The following PABPN1 variants were observed in gnomAD, a reference collection of about 807,000 sequenced individuals.
The protein encoded by PABPN1 is poly(A) binding protein nuclear 1.
In PABPN1, 5 loss-of-function variants were observed where a neutral mutation model predicts 33.4. The observed-to-expected ratio is 0.15, with a 90% CI of 0.08 to 0.32. The LOEUF (loss-of-function observed/expected upper bound fraction) is 0.32, where lower values mean the gene tolerates loss of function less well. PABPN1 is among the 10% of genes least tolerant of loss of function. The pLI, the probability that PABPN1 is intolerant of heterozygous loss-of-function variation, is 1.00. For missense variants in PABPN1, 312 were observed against 425.8 expected (o/e 0.73, Z 2.35); for synonymous variants, 176 against 170.6 (o/e 1.03, Z -0.25).
intron 4 of PABPN1, 71 bp downstream of exon 4, chr14:23,323,554 G>T: frequency 7.1e-7 from 1 of 1,403,456 alleles, no homozygotes; most frequent in South Asian, 1.2e-5. Context: ...GTTTTATATT[G>T]AGCAGTAAGT....
intron 2 of PABPN1, 74 bp downstream of exon 2, chr14:23,322,369 G>C: frequency 7.4e-7 from 1 of 1,353,162 alleles, no homozygotes; most frequent in East Asian, 2.5e-5. Context: ...GGGGAATGTG[G>C]GGTTAGATAC....
At chr14:23,323,624 A>G in intron 4 of PABPN1, 141 bp downstream of exon 4, 1 of 901,618 alleles carries the variant, frequency 1.1e-6, no homozygotes, top group Non-Finnish European at 1.8e-6. Context: ...ATGTTGATAT[A>G]TCAGGAGTTG....
chr14:23,321,938 C>T, intron 1 of PABPN1, 118 bp downstream of exon 1: 2 of 767,716 alleles, frequency 2.6e-6, no homozygotes, highest in South Asian at 1.9e-5. Context: ...AATAACGTGG[C>T]TGGGGCCGGG....
At position 23,325,412 on chromosome 14, in the gene PABPN1, AGAT is replaced by A; in HGVS notation, c.*127_*129del. 7.9e-7 allele frequency: 1 copy of A among 1,258,630 alleles called. No homozygotes were observed. Among genetic ancestry groups the A allele is most frequent in the Non-Finnish European group, 1.1e-6 (1 of 925,280 alleles). 78.0% of individuals were successfully genotyped at this position (1,258,630 alleles called of 1,614,324 possible). A position where few individuals can be genotyped will look rare whatever the true frequency, so the allele number is the denominator to read the frequency against. ...GGAAAAAAAATATTTTTTAAAAAAA[AGAT>A]ATACTGTGGAAGGGGGGAGAATCCC... On this transcript the variant is annotated 3_prime_UTR_variant, in exon 7 of 7. Transcript: ENST00000216727.
Position 23,323,953 on chromosome 14 carries a change from A to T in PABPN1, c.642-12A>T. 6.2e-7 allele frequency: 1 copy of T among 1,613,996 alleles called. No homozygotes were observed. The highest frequency in any genetic ancestry group is 8.5e-7 in the Non-Finnish European group (1 of 1,179,976). Reference sequence around the variant, plus strand: ...TGTAACCTCAGAGAGATACAATGACAATTCTTTTCAGGTTTGCGTATATAG... The same window carrying T: ...TGTAACCTCAGAGAGATACAATGACTATTCTTTTCAGGTTTGCGTATATAG... On this transcript the variant is annotated splice_polypyrimidine_tract_variant and intron_variant, in intron 4 of 6. Coordinates refer to ENST00000216727, the MANE Select transcript of PABPN1 (RefSeq NM_004643.4).
chr14:23,323,940 G>A, intron 4 of PABPN1, 25 bp from the exon 5 acceptor site: 1 of 1,613,290 alleles, frequency 6.2e-7, no homozygotes, highest in Non-Finnish European at 8.5e-7. Context: ...TAACCTCAGA[G>A]AGATACAATG....
At chr14:23,321,906 CG>C in intron 1 of PABPN1, 86 bp downstream of exon 1, 2 of 238,628 alleles carry the variant, frequency 8.4e-6, no homozygotes, top group Non-Finnish European at 1.4e-5. Flanking sequence ...GGGTGGCAGG[CG>C]GGGGGTGGGG....
chr14:23,325,632 A>T lies in PABPN1; in HGVS notation c.*346A>T. The stretch of plus-strand genomic sequence containing the variant: ...AGGGTAGGTGGGCGTGGGTGGTAGG[A>T]GGTTTTTTTTTTTACCCAGGGCTCT... On this transcript the variant is annotated 3_prime_UTR_variant, in exon 7 of 7. Transcript: ENST00000216727. 1 of 183,954 alleles carries T rather than the reference A, an allele frequency of 5.4e-6. No homozygotes were observed. 11.4% of individuals were successfully genotyped at this position (183,954 alleles called of 1,614,324 possible).
intron 6 of PABPN1, 131 bp downstream of exon 6, chr14:23,324,420 T>A: frequency 8.4e-7 from 1 of 1,196,436 alleles, no homozygotes; most frequent in Non-Finnish European, 1.2e-6. Context: ...CTCCTGCCTG[T>A]GCAGGTTGAG....
At position 23,325,542 on chromosome 14, in the gene PABPN1, G is replaced by A. The variant is rs1430899452; in HGVS notation, c.*256G>A. On this transcript the variant is annotated 3_prime_UTR_variant, in exon 7 of 7. Transcript: ENST00000216727. The stretch of plus-strand genomic sequence containing the variant: ...CACTCTGGGGATTCGCCATGGACAC[G>A]TCTCAACTGCGCAAGCTGCTGCCCA... 5 of 505,296 alleles carry A rather than the reference G, an allele frequency of 9.9e-6. No homozygotes were observed. The highest frequency in any genetic ancestry group is 6.7e-5 in the East Asian group (2 of 29,884). The allele number at this position is 505,296 out of a possible 1,614,324, so 31.3% of individuals were successfully genotyped here.
At position 23,322,143 on chromosome 14, in the gene PABPN1, T is replaced by C. The variant is rs1357986583; in HGVS notation, c.352-38T>C. On this transcript the variant is annotated intron_variant, in intron 1 of 6. Transcript: ENST00000216727. ...AGGGCACAGCCCCTGCGTTGGTTCC[T>C]CTTAAGCTGTCCTCCATACCCTCCC... 3 of 1,571,098 alleles carry C rather than the reference T, an allele frequency of 1.9e-6. No individual in the cohort carries two copies. The East Asian group carries it at 7.0e-5, about 37-fold the overall frequency.
Position 23,325,042 on chromosome 14 carries a change from C to CAA in PABPN1, c.882-204_882-203insAA, listed in dbSNP as rs10632111. 534,575 of 572,488 alleles carry CAA rather than the reference C, an allele frequency of 0.93. 250,217 individuals carry two copies. The highest frequency in any genetic ancestry group is 0.95 in the East Asian group (32,441 of 34,150). 35.5% of individuals were successfully genotyped at this position (572,488 alleles called of 1,614,324 possible). A position where few individuals can be genotyped will look rare whatever the true frequency, so the allele number is the denominator to read the frequency against. On this transcript the variant is annotated intron_variant, in intron 6 of 6. Transcript: ENST00000216727. ...GCGCTTCTTTTTCGCCACTGTTTGGCAGTTTTCTGTTAAGCCCCCCTCCCC... is the reference window on the plus strand; with the variant it reads ...GCGCTTCTTTTTCGCCACTGTTTGGCAAAGTTTTCTGTTAAGCCCCCCTCCCC...
At position 23,322,299 on chromosome 14, in the gene PABPN1, A is replaced by G. The variant is rs1490313983; in HGVS notation, c.466+4A>G. On this transcript the variant is annotated splice_donor_region_variant and intron_variant, in intron 2 of 6. Transcript: ENST00000216727. ...ATGAGTCCACCTCCAGGCAATGGTG[A>G]GTAACTGGCGGTTGCACGCGGAGCC... 1.3e-6 allele frequency: 2 copies of G among 1,595,616 alleles called. No homozygotes were observed. The highest frequency in any genetic ancestry group is 1.1e-5 in the South Asian group (1 of 87,962).
rs558282850 is a variant in PABPN1 at position 23,321,616 on chromosome 14, C to A, written c.147C>A (p.Gly49=). The part of the protein sequence containing the change: ...APGGAGDYGN[G]LESEELEPEE... Reference sequence around the variant, plus strand: ...GGGGCGCAGGGGACTACGGGAACGGCCTGGAGTCTGAGGAACTGGAGCCTG... The same window carrying A: ...GGGGCGCAGGGGACTACGGGAACGGACTGGAGTCTGAGGAACTGGAGCCTG... Residue 49 remains glycine (G), a synonymous_variant, in exon 1 of 7, where the codon GGC becomes GGA. Coordinates refer to ENST00000216727, the MANE Select transcript of PABPN1 (RefSeq NM_004643.4). The A allele has an allele frequency of 2.7e-5, 41 of 1,518,964 alleles. No individual in the cohort carries two copies. In the South Asian group the frequency reaches 5.0e-4, roughly 18 times the overall value. The allele number at this position is 1,518,964 out of a possible 1,614,324, so 94.1% of individuals were successfully genotyped here.
chr14:23,323,261 C>A, intron 3 of PABPN1, 116 bp from the exon 4 acceptor site: 1 of 1,307,404 alleles, frequency 7.6e-7, no homozygotes, highest in Non-Finnish European at 1.1e-6. Context: ...ATTAATTCCT[C>A]AAATTACCAG....
rs778932762 is a variant in PABPN1 at position 23,323,493 on chromosome 14, G to A, written c.641+10G>A. The A allele has an allele frequency of 6.2e-7, 1 of 1,607,874 alleles. No individual in the cohort carries two copies. The highest frequency in any genetic ancestry group is 8.5e-7 in the Non-Finnish European group (1 of 1,174,374). On this transcript the variant is annotated intron_variant, in intron 4 of 6. Coordinates refer to ENST00000216727, the MANE Select transcript of PABPN1 (RefSeq NM_004643.4). ...GTGGCCATCCCAAAGGGTAAGTAAAGGGGAGTAAGTTGAGATAATTTAAAT... is the reference window on the plus strand; with the variant it reads ...GTGGCCATCCCAAAGGGTAAGTAAAAGGGAGTAAGTTGAGATAATTTAAAT...
At chr14:23,324,403 A>G (rs1168557287) in intron 6 of PABPN1, 114 bp downstream of exon 6, 3 of 1,218,810 alleles carry the variant, frequency 2.5e-6, no homozygotes, top group Admixed American at 4.0e-5. Context: ...GTCTTCAGGA[A>G]CTTTGTCTCC....
At chr14:23,323,829 A>G (rs1172230253) in intron 4 of PABPN1, 136 bp from the exon 5 acceptor site, 14 of 958,536 alleles carry the variant, frequency 1.5e-5, no homozygotes, top group Non-Finnish European at 2.2e-5. Context: ...GAATGATTGA[A>G]ATTTTCCATT....
At chr14:23,322,840 AG>A in intron 2 of PABPN1, 158 bp from the exon 3 acceptor site, 2 of 810,290 alleles carry the variant, frequency 2.5e-6, no homozygotes, top group Non-Finnish European at 4.3e-6. Context: ...GCTATGCACT[AG>A]GCACTATTCT....
Sources: gnomAD v4.1 joint callset for allele counts on GRCh38, gnomAD v4.1.1 for gene constraint, MANE v1.5 for transcripts, NCBI Gene and HGNC (gene_info 2026-07-23, HGNC 2026-07-21) for gene names.